The following GALNTL6 variants were observed in gnomAD, a reference collection of about 807,000 sequenced individuals.
GALNTL6 encodes polypeptide N-acetylgalactosaminyltransferase like 6, also known as polypeptide N-acetylgalactosaminyltransferase-like 6.
Under a neutral mutation model 73.7 loss-of-function variants are expected in GALNTL6, and 46 were observed. That is an observed-to-expected ratio of 0.62 (90% CI 0.49 to 0.80). GALNTL6 has a LOEUF of 0.80. GALNTL6 is among the 30% of genes least tolerant of loss of function. GALNTL6 has a pLI of 0.00. For missense variants in GALNTL6, 604 were observed against 755.0 expected (o/e 0.80, Z 2.34); for synonymous variants, 259 against 263.7 (o/e 0.98, Z 0.17).
chr4:172,010,755 A>T (rs972225368), intron 2 of GALNTL6, among the ~76,000 whole-genome samples: 1 of 152,106 alleles, frequency 6.6e-6, no homozygotes, highest in Non-Finnish European at 1.5e-5. Context: ...CTACCAGTCA[A>T]TATTATAATC....
chr4:172,313,112 T>TCCCCCCC (rs143094304), intron 4 of GALNTL6, among the ~76,000 whole-genome samples: 3 of 132,022 alleles, frequency 2.3e-5, no homozygotes, highest in Non-Finnish European at 3.2e-5. Context: ...TCTATCCAGT[T>TCCCCCCC]CCCCCCCCCA....
At chr4:172,190,274 A>G (rs72996366) in intron 2 of GALNTL6, among the ~76,000 whole-genome samples, 3,173 of 152,294 alleles carry the variant, frequency 0.021, 106 homozygotes, top group African/African-American at 0.07. Flanking sequence ...AAGCTCATCT[A>G]TTAATTTATT....
At chr4:172,899,166 A>G (rs1420661665) in intron 8 of GALNTL6, among the ~76,000 whole-genome samples, 2 of 152,154 alleles carry the variant, frequency 1.3e-5, no homozygotes, top group South Asian at 2.1e-4. Context: ...TCCTTCCACA[A>G]CTCAGTGTCT....
chr4:172,648,156 T>A (rs74797004), intron 5 of GALNTL6, among the ~76,000 whole-genome samples: 4,753 of 152,234 alleles, frequency 0.031, 127 homozygotes, highest in South Asian at 0.092. Context: ...ACTGGATTAC[T>A]GGAGCCAGAC....
At chr4:172,352,694 G>C (rs1335171024) in intron 5 of GALNTL6, among the ~76,000 whole-genome samples, 1 of 152,038 alleles carries the variant, frequency 6.6e-6, no homozygotes, top group East Asian at 1.9e-4. Flanking sequence ...GAGGATAGTC[G>C]CAGGAGAGTT....
chr4:172,457,432 G>T (rs1005344511), intron 5 of GALNTL6, among the ~76,000 whole-genome samples: 1 of 152,156 alleles, frequency 6.6e-6, no homozygotes, highest in East Asian at 1.9e-4. Context: ...TGTATAAAAT[G>T]TCAAGACCCA....
chr4:172,809,236 G>A lies in GALNTL6; in HGVS notation c.554-125G>A, dbSNP rs1289900834. The A allele has an allele frequency of 4.2e-6, 3 of 711,958 alleles. No homozygotes were observed. The highest frequency in any genetic ancestry group is 7.2e-6 in the Non-Finnish European group (3 of 417,846). 44.1% of individuals were successfully genotyped at this position (711,958 alleles called of 1,614,324 possible). On this transcript the variant is annotated intron_variant, in intron 5 of 12. Transcript: ENST00000506823. The surrounding 1 kb of genome is among the most constrained non-coding windows in gnomAD (Gnocchi z 4.4). ...TCTTACTAGTATCTCCCATCTAGAT[G>A]AGGAGACAAGAATGTTACCCCAGGA...
intron 5 of GALNTL6, among the ~76,000 whole-genome samples, chr4:172,701,403 A>G (rs1194901942): frequency 3.3e-5 from 5 of 152,158 alleles, no homozygotes; most frequent in African/African-American, 1.2e-4. Flanking sequence ...CTATTCAGTT[A>G]CAGAATCTAA....
intron 5 of GALNTL6, among the ~76,000 whole-genome samples, chr4:172,527,769 C>T (rs1579156292): frequency 6.6e-6 from 1 of 152,056 alleles, no homozygotes; most frequent in South Asian, 2.1e-4. Context: ...TAACTTATCC[C>T]TTTTTTGTGT....
At chr4:172,725,508 C>A (rs1735742506) in intron 5 of GALNTL6, among the ~76,000 whole-genome samples, 1 of 152,128 alleles carries the variant, frequency 6.6e-6, no homozygotes, top group African/African-American at 2.4e-5. Flanking sequence ...TGGAGAGACT[C>A]TTTATCAAAG....
At chr4:172,362,499 C>T (rs1009707331) in intron 5 of GALNTL6, among the ~76,000 whole-genome samples, 1 of 152,014 alleles carries the variant, frequency 6.6e-6, no homozygotes, top group Non-Finnish European at 1.5e-5. Flanking sequence ...ATGGGCTTTT[C>T]CTTGGGCTTC....
rs369342512 is a variant in GALNTL6 at position 172,444,579 on chromosome 4, C to T, written c.553+95890C>T. Among the ~76,000 whole-genome samples, 371 of 152,214 alleles carry T rather than the reference C, an allele frequency of 2.4e-3. 2 individuals carry two copies. Among genetic ancestry groups the T allele is most frequent in the African/African-American group, 8.4e-3 (350 of 41,544 alleles). ...TATTTCTAGGAAAGAAAAATGAGAACAGTACCTTTGATTGTAATATTTTTT... is the reference window on the plus strand; with the variant it reads ...TATTTCTAGGAAAGAAAAATGAGAATAGTACCTTTGATTGTAATATTTTTT... On this transcript the variant is annotated intron_variant, in intron 5 of 12. Coordinates refer to ENST00000506823, the MANE Select transcript of GALNTL6 (RefSeq NM_001034845.3).
At chr4:172,598,282 A>G (rs1213039265) in intron 5 of GALNTL6, among the ~76,000 whole-genome samples, 2 of 152,188 alleles carry the variant, frequency 1.3e-5, no homozygotes, top group African/African-American at 4.8e-5. Context: ...AAAATCAAAT[A>G]AGAGAACCTG....
At chr4:172,930,287 A>G (rs1325584478) in intron 8 of GALNTL6, among the ~76,000 whole-genome samples, 1 of 152,146 alleles carries the variant, frequency 6.6e-6, no homozygotes, top group Non-Finnish European at 1.5e-5. Context: ...TCAAAAAAAA[A>G]AAAGTACAGC....
At chr4:172,527,654 ATTGC>A (rs1735008697) in intron 5 of GALNTL6, among the ~76,000 whole-genome samples, 1 of 152,168 alleles carries the variant, frequency 6.6e-6, no homozygotes, top group Non-Finnish European at 1.5e-5. Context: ...TTAAGAGCCT[ATTGC>A]AGTGCTTTAG....
At chr4:172,116,119 C>T (rs1471491979) in intron 2 of GALNTL6, among the ~76,000 whole-genome samples, 3 of 151,830 alleles carry the variant, frequency 2.0e-5, no homozygotes, top group Non-Finnish European at 4.4e-5. Flanking sequence ...TGTGATTTTT[C>T]CATGGATATT....
intron 12 of GALNTL6, among the ~76,000 whole-genome samples, chr4:173,025,652 A>T (rs1753202492): frequency 6.6e-6 from 1 of 152,020 alleles, no homozygotes; most frequent in Admixed American, 6.6e-5. Context: ...CTGTTTCATG[A>T]CTTCATTTGG....
intron 2 of GALNTL6, among the ~76,000 whole-genome samples, chr4:172,131,592 T>C (rs1000823991): frequency 6.6e-6 from 1 of 151,538 alleles, no homozygotes; most frequent in East Asian, 1.9e-4. Context: ...TCTGCTTCTT[T>C]CCTGTGCTCT....
chr4:171,923,280 T>C (rs1479924675), intron 2 of GALNTL6, among the ~76,000 whole-genome samples: 1 of 152,142 alleles, frequency 6.6e-6, no homozygotes, highest in African/African-American at 2.4e-5. Flanking sequence ...TTTTAAAGAA[T>C]GTACTGTGGC....
Sources: gnomAD v4.1 joint callset for allele counts (sites outside exome capture counted in the v4.1 genomes callset) on GRCh38, gnomAD v4.1.1 for gene constraint, Gnocchi (gnomAD v3.1) non-coding constraint, MANE v1.5 for transcripts, NCBI Gene and HGNC (gene_info 2026-07-23, HGNC 2026-07-21) for gene names.